The following NRXN1 variants were observed in gnomAD, a reference collection of about 807,000 sequenced individuals.
NRXN1 encodes the protein neurexin 1, also known as neurexin-1.
In NRXN1, 39 loss-of-function variants were observed where a neutral mutation model predicts 150.9. The ratio of observed to expected loss-of-function variants is 0.26; its 90% CI spans 0.20 to 0.34. The LOEUF is 0.34. Among genes scored for constraint, NRXN1 ranks in the 10% least tolerant of loss-of-function variants. The pLI is 1.00. For missense variants in NRXN1, 1,815 were observed against 1,949.9 expected (o/e 0.93, Z 1.30); for synonymous variants, 924 against 757.0 (o/e 1.22, Z -3.62).
At chr2:50,099,789 A>G (rs983701502) in intron 18 of NRXN1, among the ~76,000 whole-genome samples, 2 of 152,166 alleles carry the variant, frequency 1.3e-5, no homozygotes, top group Admixed American at 1.3e-4. Flanking sequence ...AGAAAGGCTG[A>G]GACTTGGCCA....
intron 15 of NRXN1, among the ~76,000 whole-genome samples, chr2:50,492,202 C>T (rs2091291876): frequency 6.6e-6 from 1 of 152,160 alleles, no homozygotes; most frequent in Admixed American, 6.5e-5. Flanking sequence ...ATTTCTGCTG[C>T]TCCTTTCATT....
chr2:50,716,444 T>A (rs1695878818), intron 5 of NRXN1, among the ~76,000 whole-genome samples: 1 of 152,112 alleles, frequency 6.6e-6, no homozygotes, highest in African/African-American at 2.4e-5. Flanking sequence ...AGCAACTGGC[T>A]AAGTAATAAT....
At chr2:50,741,430 C>T (rs1454515229) in intron 5 of NRXN1, among the ~76,000 whole-genome samples, 1 of 152,138 alleles carries the variant, frequency 6.6e-6, no homozygotes, top group Admixed American at 6.6e-5. Flanking sequence ...CCAAATGCTC[C>T]TAATACAAGA....
chr2:49,957,278 C>A (rs1213870117), intron 21 of NRXN1, among the ~76,000 whole-genome samples: 1 of 152,068 alleles, frequency 6.6e-6, no homozygotes, highest in African/African-American at 2.4e-5. Context: ...ATGAGTATTA[C>A]ATGTATTAAA....
chr2:50,691,149 C>T lies in NRXN1; in HGVS notation c.833-67534G>A, dbSNP rs565421660. 3.3e-5 allele frequency among the ~76,000 whole-genome samples: 5 copies of T among 152,166 alleles called. No homozygotes were observed. The South Asian group carries it at 6.2e-4, about 19-fold the overall frequency. ...AAATTATATACAGAGTTTTCAAAGACGTGAAGAGAGTTATGCATCGTTGAT... is the reference window on the plus strand; with the variant it reads ...AAATTATATACAGAGTTTTCAAAGATGTGAAGAGAGTTATGCATCGTTGAT... On this transcript the variant is annotated intron_variant, in intron 5 of 22. Transcript: ENST00000401669.
intron 5 of NRXN1, among the ~76,000 whole-genome samples, chr2:50,645,229 T>C (rs1684652584): frequency 6.6e-6 from 1 of 151,874 alleles, no homozygotes; most frequent in African/African-American, 2.4e-5. Context: ...GAAAATCATG[T>C]AAAATTCATA....
intron 18 of NRXN1, among the ~76,000 whole-genome samples, chr2:50,171,255 T>TC (rs2060014754): frequency 8.4e-6 from 1 of 119,244 alleles, no homozygotes; most frequent in Admixed American, 8.7e-5. Context: ...GTGTGTGTGT[T>TC]TGTGTGTGTA....
intron 13 of NRXN1, among the ~76,000 whole-genome samples, chr2:50,499,168 G>C (rs544750559): frequency 6.6e-6 from 1 of 152,074 alleles, no homozygotes; most frequent in Non-Finnish European, 1.5e-5. Context: ...CTGTTTATAT[G>C]TTTGCTTAAG....
chr2:50,542,493 G>T (rs1343555987), intron 9 of NRXN1, among the ~76,000 whole-genome samples: 1 of 152,132 alleles, frequency 6.6e-6, no homozygotes, highest in Admixed American at 6.5e-5. Context: ...AGACATCATA[G>T]GATGAAGAAA....
At chr2:50,540,315 C>T (rs1300598928) in intron 9 of NRXN1, among the ~76,000 whole-genome samples, 2 of 152,140 alleles carry the variant, frequency 1.3e-5, no homozygotes, top group Non-Finnish European at 2.9e-5. Context: ...TAGAAGAAAA[C>T]TCTCATTTAG....
At chr2:49,936,672 T>G (rs1195183714) in intron 22 of NRXN1, among the ~76,000 whole-genome samples, 1 of 152,042 alleles carries the variant, frequency 6.6e-6, no homozygotes, top group Non-Finnish European at 1.5e-5. Flanking sequence ...CACAGTTCTT[T>G]TAAAATGTTG....
At chr2:50,906,589 G>C (rs769337560) in intron 5 of NRXN1, among the ~76,000 whole-genome samples, 1 of 152,050 alleles carries the variant, frequency 6.6e-6, no homozygotes, top group Non-Finnish European at 1.5e-5. Flanking sequence ...TCTCTTGCCA[G>C]AATAATCTTT....
chr2:50,145,253 A>G (rs1254510170), intron 18 of NRXN1, among the ~76,000 whole-genome samples: 1 of 151,252 alleles, frequency 6.6e-6, no homozygotes, highest in Non-Finnish European at 1.5e-5. Context: ...TAACACTAGG[A>G]TTTTTCTCAA....
chr2:50,128,259 A>C (rs1005925586), intron 18 of NRXN1, among the ~76,000 whole-genome samples: 1 of 152,180 alleles, frequency 6.6e-6, no homozygotes, highest in African/African-American at 2.4e-5. Context: ...GGAGGAAAAA[A>C]GAAAAAAGAG....
chr2:50,078,499 G>C (rs1697420280), intron 19 of NRXN1, among the ~76,000 whole-genome samples: 1 of 151,904 alleles, frequency 6.6e-6, no homozygotes, highest in Admixed American at 6.6e-5. Flanking sequence ...ATAAACTGTT[G>C]ACTAAAGTAT....
intron 5 of NRXN1, among the ~76,000 whole-genome samples, chr2:50,768,081 G>A (rs1003367857): frequency 6.6e-6 from 1 of 152,032 alleles, no homozygotes; most frequent in Admixed American, 6.6e-5. Context: ...TTTCTACTCA[G>A]GCCTAGGGAC....
At chr2:50,835,985 T>C (rs1009056928) in intron 5 of NRXN1, among the ~76,000 whole-genome samples, 10 of 152,342 alleles carry the variant, frequency 6.6e-5, no homozygotes, top group African/African-American at 2.2e-4. Flanking sequence ...ATTAGAATTT[T>C]CAAATATCTA....
intron 17 of NRXN1, among the ~76,000 whole-genome samples, chr2:50,461,995 C>A (rs2104616668): frequency 6.6e-6 from 1 of 151,992 alleles, no homozygotes; most frequent in South Asian, 2.1e-4. Context: ...CAAGGTTCTG[C>A]AACAGATAAG....
chr2:50,392,026 ATTAAT>A lies in NRXN1; in HGVS notation c.3364+73411_3364+73415del, dbSNP rs1004093621. Among the ~76,000 whole-genome samples the A allele has an allele frequency of 4.5e-4, 68 of 152,290 alleles. 1 individual carries two copies. The highest frequency in any genetic ancestry group is 1.6e-3 in the African/African-American group (67 of 41,582). On this transcript the variant is annotated intron_variant, in intron 17 of 22. Coordinates refer to ENST00000401669, the MANE Select transcript of NRXN1 (RefSeq NM_001330078.2). ...ATGAGGCAGATTATGAAACTTACTT[ATTAAT>A]TTATCAAAGTTGCCATCTATGATAA...
Sources: allele counts gnomAD v4.1 joint callset (sites outside exome capture counted in the v4.1 genomes callset), GRCh38; gene constraint gnomAD v4.1.1; transcripts MANE v1.5; gene names NCBI Gene and HGNC (gene_info 2026-07-23, HGNC 2026-07-21).